The following UGT2A2 variants were observed in gnomAD, a reference collection of about 807,000 sequenced individuals.
UGT2A2 encodes the protein UDP glucuronosyltransferase family 2 member A2, also known as UDP-glucuronosyltransferase 2A2.
Under a neutral mutation model 50.7 loss-of-function variants are expected in UGT2A2, and 60 were observed. The observed-to-expected ratio is 1.18, with a 90% CI of 0.96 to 1.47. The LOEUF is 1.47. Among genes scored for constraint, UGT2A2 ranks in the 40% most tolerant of loss-of-function variants. UGT2A2 has a pLI of 0.00. For synonymous variants in UGT2A2, 242 were observed against 214.6 expected (o/e 1.13, Z -1.11); for missense variants, 762 against 634.0 (o/e 1.20, Z -2.17).
Position 69,638,923 on chromosome 4 carries a change from T to C in UGT2A2, c.718A>G (p.Asn240Asp). The change falls in exon 1 of 6, where the codon AAT becomes GAT. Residue 240 changes from asparagine (N) to aspartate (D), a missense_variant. Asn to Asp is a conservative substitution (Grantham distance 23). Coordinates refer to ENST00000604629, the MANE Select transcript of UGT2A2 (RefSeq NM_001105677.2). The part of the protein sequence containing the change: ...YIFQSYWGEW[N>D]SYYSKILGRP... ...CCTAAAATTTTGCTATAGTATGAAT[T>C]CCATTCTCCCCAGTAGGACTGAAAT... 1 of 1,603,148 alleles carries C rather than the reference T, an allele frequency of 6.2e-7. No individual in the cohort carries two copies. The highest frequency in any genetic ancestry group is 1.1e-5 in the South Asian group (1 of 89,632).
intron 1 of UGT2A2, among the ~76,000 whole-genome samples, chr4:69,600,230 T>C (rs971827200): frequency 6.6e-6 from 1 of 152,162 alleles, no homozygotes; most frequent in African/African-American, 2.4e-5. Flanking sequence ...CCCTACCCAG[T>C]ACTGGAGCTG....
At chr4:69,590,266 A>G (rs1037709624) in intron 5 of UGT2A2, among the ~76,000 whole-genome samples, 5 of 152,212 alleles carry the variant, frequency 3.3e-5, no homozygotes, top group African/African-American at 4.8e-5. Context: ...TGATGTTTCA[A>G]TTGAAACATC....
At chr4:69,631,210 C>T (rs1465458010) in intron 1 of UGT2A2, among the ~76,000 whole-genome samples, 3 of 151,940 alleles carry the variant, frequency 2.0e-5, no homozygotes, top group Non-Finnish European at 4.4e-5. Context: ...ACAAAGATAC[C>T]TATACTGTTT....
chr4:69,602,360 GA>G lies in UGT2A2; in HGVS notation c.743-2967del, dbSNP rs1419036839. On this transcript the variant is annotated intron_variant, in intron 1 of 5. Transcript: ENST00000604629. ...ATAGTAAGAGCATTCTTATCAAGACGAAAAAAAGTCAGTGGTATGTACTAAT... is the reference window on the plus strand; with the variant it reads ...ATAGTAAGAGCATTCTTATCAAGACGAAAAAAGTCAGTGGTATGTACTAAT... 2.2e-5 allele frequency among the ~76,000 whole-genome samples: 3 copies of G among 136,596 alleles called. 1 individual carries two copies. The highest frequency in any genetic ancestry group is 7.2e-5 in the Admixed American group (1 of 13,982). The allele number at this position is 136,596 out of a possible 152,430, so 89.6% of individuals were successfully genotyped here. A position where few individuals can be genotyped will look rare whatever the true frequency, so the allele number is the denominator to read the frequency against.
Position 69,639,217 on chromosome 4 carries a change from G to A in UGT2A2, c.424C>T (p.Pro142Ser). ...TTCTGAAGTCTTGCCATCAACTTTG[G>A]GTTCTTTAGTACACCATCACAGAGT... ...IQLCDGVLKNPKLMARLQKGG... is the reference protein window; with the variant it reads ...IQLCDGVLKNSKLMARLQKGG... Residue 142 changes from proline to serine, a missense_variant, in exon 1 of 6, where the codon CCA (proline) becomes TCA (serine). Physicochemically the swap from Pro to Ser is moderately conservative, Grantham distance 74. Coordinates refer to ENST00000604629, the MANE Select transcript of UGT2A2 (RefSeq NM_001105677.2). 6.2e-7 allele frequency: 1 copy of A among 1,613,548 alleles called. No homozygotes were observed. Among genetic ancestry groups the A allele is most frequent in the Non-Finnish European group, 8.5e-7 (1 of 1,179,728 alleles).
Position 69,588,679 on chromosome 4 carries a change from T to G in UGT2A2, c.*693A>C, listed in dbSNP as rs561383255. ...CCTTGAAATAAAAGAGTCGATTGAT[T>G]GATTTATTAAAGACAGTACCCAAAT... On this transcript the variant is annotated 3_prime_UTR_variant, in exon 6 of 6. Coordinates refer to ENST00000604629, the MANE Select transcript of UGT2A2 (RefSeq NM_001105677.2). 8 of 152,202 alleles carry G rather than the reference T, an allele frequency of 5.3e-5. No individual in the cohort carries two copies. Among genetic ancestry groups the G allele is most frequent in the African/African-American group, 1.9e-4 (8 of 41,560 alleles). The allele number at this position is 152,202 out of a possible 1,614,324, so 9.4% of individuals were successfully genotyped here. A position where few individuals can be genotyped will look rare whatever the true frequency, so the allele number is the denominator to read the frequency against.
At chr4:69,629,039 T>C (rs934562197) in intron 1 of UGT2A2, among the ~76,000 whole-genome samples, 8 of 151,776 alleles carry the variant, frequency 5.3e-5, no homozygotes, top group African/African-American at 1.9e-4. Context: ...TCCTGAACTA[T>C]GTTAAAGCTA....
intron 5 of UGT2A2, among the ~76,000 whole-genome samples, chr4:69,592,685 G>A (rs1360851680): frequency 6.6e-6 from 1 of 151,794 alleles, no homozygotes; most frequent in Admixed American, 6.6e-5. Context: ...AAATTGATTA[G>A]AACAATTAGA....
intron 1 of UGT2A2, among the ~76,000 whole-genome samples, chr4:69,610,108 A>C (rs756154999): frequency 6.6e-6 from 1 of 152,138 alleles, no homozygotes; most frequent in Non-Finnish European, 1.5e-5. Context: ...AAAACTTTAC[A>C]CTCATGTATT....
rs1333128286 is a variant in UGT2A2, at chr4:69,638,897, A to G, written c.742+2T>C. 17 of 1,570,578 alleles carry G rather than the reference A, an allele frequency of 1.1e-5. No homozygotes were observed. Among genetic ancestry groups the G allele is most frequent in the Non-Finnish European group, 1.5e-5 (17 of 1,159,200 alleles). ...ATTAAAAAGAGAAAATTTTAGACTT[A>G]CCTAAAATTTTGCTATAGTATGAAT... On this transcript the variant is annotated splice_donor_variant, in intron 1 of 5. Coordinates refer to ENST00000604629, the MANE Select transcript of UGT2A2 (RefSeq NM_001105677.2). LOFTEE classifies it high-confidence loss of function.
At chr4:69,623,610 C>T (rs189962383) in intron 1 of UGT2A2, among the ~76,000 whole-genome samples, 41 of 151,152 alleles carry the variant, frequency 2.7e-4, no homozygotes, top group Non-Finnish European at 5.2e-4. Context: ...ACAACAGATG[C>T]AAAGAATTGA....
chr4:69,633,888 C>G (rs949060390), intron 1 of UGT2A2, among the ~76,000 whole-genome samples: 7 of 152,034 alleles, frequency 4.6e-5, no homozygotes, highest in African/African-American at 1.7e-4. Flanking sequence ...GGTGGGGTTA[C>G]TTCGTGAAAC....
chr4:69,623,318 T>C (rs1320444570), intron 1 of UGT2A2, among the ~76,000 whole-genome samples: 2 of 151,790 alleles, frequency 1.3e-5, no homozygotes, highest in African/African-American at 4.8e-5. Context: ...ACACTCTGTT[T>C]TGAGTTCCCC....
chr4:69,598,304 T>C (rs1719057459), intron 2 of UGT2A2, among the ~76,000 whole-genome samples: 1 of 152,192 alleles, frequency 6.6e-6, no homozygotes, highest in South Asian at 2.1e-4. Context: ...CATTTGCTTG[T>C]GTATAAACCA....
intron 1 of UGT2A2, among the ~76,000 whole-genome samples, chr4:69,600,898 T>G (rs955371403): frequency 6.6e-6 from 1 of 152,046 alleles, no homozygotes; most frequent in African/African-American, 2.4e-5. Flanking sequence ...ATGAATACTC[T>G]ACCCCCATGA....
At chr4:69,607,441 T>C (rs1438638275) in intron 1 of UGT2A2, among the ~76,000 whole-genome samples, 1 of 151,970 alleles carries the variant, frequency 6.6e-6, no homozygotes, top group South Asian at 2.1e-4. Context: ...AAGACTTACA[T>C]GTTAGACCTA....
At chr4:69,612,775 C>A (rs1720139485) in intron 1 of UGT2A2, among the ~76,000 whole-genome samples, 2 of 151,768 alleles carry the variant, frequency 1.3e-5, no homozygotes, top group Admixed American at 1.3e-4. Flanking sequence ...GTATAAAAAT[C>A]TTTGAAGAAA....
chr4:69,601,317 G>T (rs1307512560), intron 1 of UGT2A2, among the ~76,000 whole-genome samples: 1 of 152,094 alleles, frequency 6.6e-6, no homozygotes, highest in Admixed American at 6.5e-5. Flanking sequence ...TCGTGTTCTT[G>T]CTCCTGCACC....
intron 1 of UGT2A2, among the ~76,000 whole-genome samples, chr4:69,634,006 G>A (rs997921981): frequency 3.9e-5 from 6 of 152,142 alleles, no homozygotes; most frequent in Non-Finnish European, 7.4e-5. Flanking sequence ...AGCACTTTGG[G>A]AGGCCGAGGC....
Sources: allele counts gnomAD v4.1 joint callset (sites outside exome capture counted in the v4.1 genomes callset), GRCh38; gene constraint gnomAD v4.1.1; transcripts MANE v1.5; gene names NCBI Gene and HGNC (gene_info 2026-07-23, HGNC 2026-07-21).